Variants in PPRC1 observed in about 807,000 individuals in gnomAD.
PPRC1 encodes PPARG related coactivator 1.
PPRC1 carries 23 observed loss-of-function variants against 132.5 expected under a neutral mutation model. The ratio of observed to expected loss-of-function variants is 0.17; its 90% confidence interval spans 0.12 to 0.25. PPRC1 has a LOEUF of 0.25. Ranked by LOEUF, PPRC1 falls within the 10% of genes least tolerant of loss-of-function variation. The pLI, the probability that PPRC1 is intolerant of heterozygous loss-of-function variation, is 1.00. For synonymous variants in PPRC1, 872 were observed against 833.5 expected (o/e 1.05, Z -0.80); for missense variants, 2,006 against 2,089.1 (o/e 0.96, Z 0.78).
upstream of PPRC1, among the ~76,000 whole-genome samples, chr10:102,129,550 CCT>C (rs776184144): frequency 1.3e-5 from 2 of 152,104 alleles, no homozygotes; most frequent in Non-Finnish European, 2.9e-5. Context: ...TATTAGTCTT[CCT>C]CTCAAAGCCT....
rs370430735 is a variant in PPRC1, at chr10:102,141,436, A to G, written c.2928A>G (p.Thr976=). Residue 976 remains threonine (T), a synonymous_variant, in exon 5 of 14, where the codon ACA becomes ACG. Coordinates refer to ENST00000278070, the MANE Select transcript of PPRC1 (RefSeq NM_015062.5). The part of the protein sequence containing the change: ...PPAPVSPYSS[T]CTYGPLGWGP... ...CCCCAGTCTCACCTTACAGTTCCAC[A>G]TGTACCTATGGGCCCTTGGGATGGG... 5.0e-5 allele frequency: 81 copies of G among 1,613,656 alleles called. No individual in the cohort carries two copies. The highest frequency in any genetic ancestry group is 6.6e-5 in the Non-Finnish European group (78 of 1,179,976).
At chr10:102,120,453 G>A in the PPRC1 span, 2 of 951,466 alleles carry the variant, frequency 2.1e-6, no homozygotes, top group Non-Finnish European at 2.5e-6. Context: ...CTCCGCCCTC[G>A]CGCTCGCGCT....
intron 8 of PPRC1, 89 bp from the exon 9 acceptor site, chr10:102,146,583 G>A (rs752325725): frequency 1.4e-6 from 2 of 1,479,250 alleles, no homozygotes; most frequent in African/African-American, 1.4e-5. Flanking sequence ...GTGAGATGAG[G>A]TGGGGGTCTC....
chr10:102,132,946 C>T (rs772898186), upstream of PPRC1: 4 of 1,219,540 alleles, frequency 3.3e-6, no homozygotes, highest in Non-Finnish European at 4.1e-6. Flanking sequence ...GTGGGTCTCG[C>T]CGCACGGCTC....
rs769597927 is a variant in PPRC1 at position 102,147,092 on chromosome 10, C to T, written c.4100C>T (p.Ala1367Val). Reference sequence around the variant, plus strand: ...AGCAGTGAGCAGGCAGATCCCTCAGCACCCTGCCTTGCCCCATCCAGCTTG... The same window carrying T: ...AGCAGTGAGCAGGCAGATCCCTCAGTACCCTGCCTTGCCCCATCCAGCTTG... ...RTSSEQADPS[A>V]PCLAPSSLLS... Residue 1367 changes from alanine (A) to valine (V), a missense_variant, in exon 9 of 14, where the codon GCA (alanine) becomes GTA (valine). By Grantham distance (64) the Ala-to-Val change is moderately conservative (BLOSUM62 0). This residue lies in a region of PPRC1 where 1,914 missense variants were observed against 1,917.2 expected (regional missense o/e 1.00). Coordinates refer to ENST00000278070, the MANE Select transcript of PPRC1 (RefSeq NM_015062.5). The T allele has an allele frequency of 6.2e-7, 1 of 1,614,176 alleles. No homozygotes were observed. Among genetic ancestry groups the T allele is most frequent in the Non-Finnish European group, 8.5e-7 (1 of 1,180,020 alleles).
chr10:102,148,499 C>G lies in PPRC1; in HGVS notation c.4528C>G (p.Arg1510Gly). 1.2e-6 allele frequency: 2 copies of G among 1,613,418 alleles called. No individual in the cohort carries two copies. Among genetic ancestry groups the G allele is most frequent in the Non-Finnish European group, 1.7e-6 (2 of 1,179,344 alleles). The change falls in exon 10 of 14, where the codon CGG (arginine) becomes GGG (glycine). Residue 1510 changes from arginine to glycine, a missense_variant. By Grantham distance (125) the Arg-to-Gly change is moderately radical (BLOSUM62 -2). Coordinates refer to ENST00000278070, the MANE Select transcript of PPRC1 (RefSeq NM_015062.5). The surrounding 1 kb of genome is among the most constrained non-coding windows in gnomAD (Gnocchi z 4.2). The part of the protein sequence containing the change: ...RSRSRSPSPR[R>G]RSDRRRRYSS... ...CCGCTCACGATCCCCATCCCCCCGC[C>G]GGAGAAGTGACAGGAGGCGGCGGTG...
At chr10:102,135,979 G>C (rs549588858) in intron 1 of PPRC1, among the ~76,000 whole-genome samples, 1 of 152,268 alleles carries the variant, frequency 6.6e-6, no homozygotes, top group African/African-American at 2.4e-5. Flanking sequence ...GTGTGTCTCT[G>C]ACTGGACACC....
intron 13 of PPRC1, among the ~76,000 whole-genome samples, chr10:102,149,691 C>G (rs1414016539): frequency 7.0e-6 from 1 of 143,492 alleles, no homozygotes; most frequent in Non-Finnish European, 1.5e-5. Flanking sequence ...GACATCACAA[C>G]ACTGCACTCC....
chr10:102,129,846 C>T (rs1331984669), upstream of PPRC1, among the ~76,000 whole-genome samples: 3 of 152,060 alleles, frequency 2.0e-5, no homozygotes, highest in Non-Finnish European at 2.9e-5. Context: ...CTCGGTGATC[C>T]GCCTGCCTCG....
rs1040763937 is a variant in PPRC1 at position 102,146,946 on chromosome 10, C to T, written c.3954C>T (p.Gly1318=). 1 of 1,614,166 alleles carries T rather than the reference C, an allele frequency of 6.2e-7. No individual in the cohort carries two copies. The highest frequency in any genetic ancestry group is 8.5e-7 in the Non-Finnish European group (1 of 1,180,034). The change falls in exon 9 of 14, where the codon GGC becomes GGT. Residue 1318 remains glycine, a synonymous_variant. Coordinates refer to ENST00000278070, the MANE Select transcript of PPRC1 (RefSeq NM_015062.5). ...KMPALVIPEV[G]SRWNVKRHQD... is the part of the protein sequence containing the mutation. Reference sequence around the variant, plus strand: ...CTGCCCTAGTCATTCCAGAGGTGGGCTCCCGATGGAATGTCAAGCGCCATC... The same window carrying T: ...CTGCCCTAGTCATTCCAGAGGTGGGTTCCCGATGGAATGTCAAGCGCCATC...
the PPRC1 span, among the ~76,000 whole-genome samples, chr10:102,120,786 T>TGAGCCG: frequency 4.1e-4 from 63 of 152,210 alleles, 1 homozygote; most frequent in South Asian, 0.013. Flanking sequence ...GGAGTCTGGC[T>TGAGCCG]GAGCCGGAGC....
At chr10:102,123,616 C>G in the PPRC1 span, among the ~76,000 whole-genome samples, 1 of 152,246 alleles carries the variant, frequency 6.6e-6, no homozygotes, top group Non-Finnish European at 1.5e-5. Flanking sequence ...CAACCTCCAC[C>G]TCTCCAGTTC....
In PPRC1 at chr10:102,148,496, C is replaced by A. The variant is rs757809373; in HGVS notation, c.4525C>A (p.Arg1509Ser). Residue 1509 changes from arginine (R) to serine (S), a missense_variant, in exon 10 of 14, where the codon CGC (arginine) becomes AGC (serine). By Grantham distance (110) the Arg-to-Ser change is moderately radical. Around this residue, in one of 2 missense-constraint regions of PPRC1, gnomAD observed 1,914 missense variants for 1,917.2 expected, o/e 1.00. Coordinates refer to ENST00000278070, the MANE Select transcript of PPRC1 (RefSeq NM_015062.5). This position sits in a 1 kb window ranked among gnomAD's most constrained non-coding sequence, Gnocchi z 4.2. ...AAGCCGCTCACGATCCCCATCCCCC[C>A]GCCGGAGAAGTGACAGGAGGCGGCG... Reference protein sequence around the residue: ...SRSRSRSPSPRRRSDRRRRYS... With the variant: ...SRSRSRSPSPSRRSDRRRRYS... 1 of 1,613,322 alleles carries A rather than the reference C, an allele frequency of 6.2e-7. No homozygotes were observed. The highest frequency in any genetic ancestry group is 1.3e-5 in the African/African-American group (1 of 74,894).
intron 1 of PPRC1, among the ~76,000 whole-genome samples, chr10:102,136,829 G>A (rs1287910550): frequency 6.6e-6 from 1 of 152,176 alleles, no homozygotes; most frequent in East Asian, 1.9e-4. Flanking sequence ...TTCCGGCCCT[G>A]CCCACACCCA....
the PPRC1 span, among the ~76,000 whole-genome samples, chr10:102,125,050 T>C: frequency 6.6e-6 from 1 of 152,268 alleles, no homozygotes; most frequent in East Asian, 1.9e-4. Context: ...TCTGAATGTC[T>C]GGGACTACAG....
chr10:102,127,841 C>T, the PPRC1 span, among the ~76,000 whole-genome samples: 4 of 152,108 alleles, frequency 2.6e-5, no homozygotes, highest in African/African-American at 4.8e-5. Context: ...CGTGAGCCAC[C>T]GAGCCCAGCC....
upstream of PPRC1, among the ~76,000 whole-genome samples, chr10:102,130,933 C>T (rs1445815378): frequency 6.6e-6 from 1 of 151,990 alleles, no homozygotes; most frequent in Non-Finnish European, 1.5e-5. Flanking sequence ...TGGCTCACCC[C>T]TGTAATCCCA....
In PPRC1 at chr10:102,148,231, T is replaced by C; in HGVS notation, c.4401-141T>C. ...CAGTTTGTTCATCTCTGAATGAAAA[T>C]TGTTCTTCTAGACCTCTTCTACTCT... On this transcript the variant is annotated intron_variant, in intron 9 of 13. Transcript: ENST00000278070. This position sits in a 1 kb window ranked among gnomAD's most constrained non-coding sequence, Gnocchi z 4.2. 1.1e-6 allele frequency: 1 copy of C among 928,742 alleles called. No homozygotes were observed. The highest frequency in any genetic ancestry group is 1.6e-6 in the Non-Finnish European group (1 of 615,478). 57.5% of individuals were successfully genotyped at this position (928,742 alleles called of 1,614,324 possible). A position where few individuals can be genotyped will look rare whatever the true frequency, so the allele number is the denominator to read the frequency against.
chr10:102,138,918 C>T lies in PPRC1; in HGVS notation c.529C>T (p.Arg177Cys), dbSNP rs771663512. Residue 177 changes from arginine to cysteine, a missense_variant, in exon 4 of 14, where the codon CGT (arginine) becomes TGT (cysteine). By Grantham distance (180) the Arg-to-Cys change is radical (BLOSUM62 -3). Transcript: ENST00000278070. ...TACTCTCTCTCGGACACCCCCAGAA[C>T]GTGACCTCATCACCCCAGTTGACCC... The part of the protein sequence containing the change: ...LLTLSRTPPE[R>C]DLITPVDPLG... The T allele has an allele frequency of 1.1e-5, 17 of 1,614,052 alleles. No homozygotes were observed. The highest frequency in any genetic ancestry group is 3.3e-5 in the Admixed American group (2 of 60,004).
Sources: allele counts gnomAD v4.1 joint callset (sites outside exome capture counted in the v4.1 genomes callset), GRCh38; gene constraint gnomAD v4.1.1; regional missense constraint gnomAD v4.1.1; non-coding constraint Gnocchi (gnomAD v3.1); transcripts MANE v1.5; gene names NCBI Gene and HGNC (gene_info 2026-07-23, HGNC 2026-07-21).